The following UTRN variants were observed in gnomAD, a reference collection of about 807,000 sequenced individuals.
UTRN encodes utrophin.
In UTRN, 283 loss-of-function variants were observed where a neutral mutation model predicts 463.9. The ratio of observed to expected loss-of-function variants is 0.61; its 90% CI spans 0.55 to 0.67. The LOEUF is 0.67. UTRN is among the 30% of genes least tolerant of loss of function. The probability of loss-of-function intolerance (pLI) is 0.00; values close to 1 mark genes in which losing one functional copy is unlikely to be tolerated. For missense variants in UTRN, 3,922 were observed against 4,084.3 expected (o/e 0.96, Z 1.08); for synonymous variants, 1,442 against 1,431.5 (o/e 1.01, Z -0.17).
At chr6:144,808,261 T>C (rs957120876) in intron 65 of UTRN, among the ~76,000 whole-genome samples, 4 of 144,362 alleles carry the variant, frequency 2.8e-5, no homozygotes, top group Non-Finnish European at 4.4e-5. Context: ...ATTAAGCTTA[T>C]GAATCAAGAG....
intron 50 of UTRN, among the ~76,000 whole-genome samples, chr6:144,570,798 C>T (rs1011875814): frequency 6.6e-6 from 1 of 152,074 alleles, no homozygotes; most frequent in East Asian, 1.9e-4. Flanking sequence ...GAAGTATGAC[C>T]GTAGGTTGTC....
At chr6:144,741,011 C>T (rs1156804631) in intron 54 of UTRN, among the ~76,000 whole-genome samples, 2 of 152,056 alleles carry the variant, frequency 1.3e-5, no homozygotes, top group African/African-American at 4.8e-5. Flanking sequence ...ACATAAAGGA[C>T]CGGAGGATAC....
intron 66 of UTRN, among the ~76,000 whole-genome samples, chr6:144,824,572 TTATATATATATATA>T (rs71028314): frequency 0.033 from 1,236 of 37,852 alleles, 56 homozygotes; most frequent in African/African-American, 0.048. Context: ...AGCATTTTAT[TTATATATATATATA>T]TATATATATA....
chr6:144,726,417 A>G (rs959385956), intron 53 of UTRN, among the ~76,000 whole-genome samples: 1 of 152,054 alleles, frequency 6.6e-6, no homozygotes, highest in Non-Finnish European at 1.5e-5. Context: ...GCAAGACTCA[A>G]TTTACGCACC....
At chr6:144,497,513 CAA>C (rs527551923) in intron 33 of UTRN, among the ~76,000 whole-genome samples, 23 of 110,648 alleles carry the variant, frequency 2.1e-4, no homozygotes, top group Admixed American at 2.9e-4. Context: ...CGTCTCTACT[CAA>C]AAAAAAAAAA....
At chr6:144,593,385 C>A (rs1056661041) in intron 51 of UTRN, among the ~76,000 whole-genome samples, 1 of 152,106 alleles carries the variant, frequency 6.6e-6, no homozygotes, top group Non-Finnish European at 1.5e-5. Context: ...TTAGAGGCCT[C>A]CAATTGGTTA....
At chr6:144,726,139 C>G (rs1211438446) in intron 53 of UTRN, among the ~76,000 whole-genome samples, 1 of 152,078 alleles carries the variant, frequency 6.6e-6, no homozygotes, top group East Asian at 1.9e-4. Context: ...GACAATGATA[C>G]ATTATAAAAA....
intron 51 of UTRN, among the ~76,000 whole-genome samples, chr6:144,628,858 C>G (rs1343121892): frequency 6.6e-6 from 1 of 152,020 alleles, no homozygotes; most frequent in Non-Finnish European, 1.5e-5. Context: ...TTAAACTGCC[C>G]GGGCAGATAG....
rs757465025 is a variant in UTRN at position 144,451,432 on chromosome 6, C to T, written c.2135C>T (p.Thr712Ile). 30 of 1,613,018 alleles carry T rather than the reference C, an allele frequency of 1.9e-5. No homozygotes were observed. The East Asian group carries it at 6.5e-4, about 35-fold the overall frequency. ...WILKWKTAIQ[T>I]TEIKEYMKMQ... is the part of the protein sequence containing the mutation. ...TTGAAATGGAAAACTGCCATTCAGA[C>T]CACAGAGATAAAAGAGTATATGAAG... Residue 712 changes from threonine to isoleucine, a missense_variant, in exon 18 of 75, where the codon ACC becomes ATC. Thr to Ile is a moderately conservative substitution (Grantham distance 89). Coordinates refer to ENST00000367545, the MANE Select transcript of UTRN (RefSeq NM_007124.3).
intron 3 of UTRN, among the ~76,000 whole-genome samples, chr6:144,414,256 T>A (rs1784179694): frequency 6.6e-6 from 1 of 152,158 alleles, no homozygotes; most frequent in African/African-American, 2.4e-5. Flanking sequence ...GACCTTCCAG[T>A]GGGACAAGAT....
chr6:144,619,822 T>G (rs1158732551), intron 51 of UTRN, among the ~76,000 whole-genome samples: 2 of 152,088 alleles, frequency 1.3e-5, no homozygotes, highest in Non-Finnish European at 2.9e-5. Context: ...GAAAGTGAAA[T>G]TTTGCGGATA....
At chr6:144,522,198 T>A (rs2128596246) in intron 40 of UTRN, 27 bp downstream of exon 40, 1 of 1,438,774 alleles carries the variant, frequency 7.0e-7, no homozygotes, top group Non-Finnish European at 9.2e-7. Flanking sequence ...TGTGTTTGAA[T>A]GGCCACAGTT....
chr6:144,528,132 G>T (rs1248083209), intron 41 of UTRN, among the ~76,000 whole-genome samples: 2 of 146,920 alleles, frequency 1.4e-5, no homozygotes, highest in Non-Finnish European at 3.0e-5. Context: ...CGCCTCCCAG[G>T]TTTGAGTGAT....
chr6:144,678,013 G>C, intron 51 of UTRN, among the ~76,000 whole-genome samples: 1 of 152,062 alleles, frequency 6.6e-6, no homozygotes, highest in African/African-American at 2.4e-5. Context: ...TTGTCAGATG[G>C]ATAGATTGCA....
rs1177550108 is a variant in UTRN, at chr6:144,345,684, TA to T, written c.79+53778del. Among the ~76,000 whole-genome samples the T allele has an allele frequency of 2.6e-5, 4 of 152,090 alleles. No individual in the cohort carries two copies. The South Asian group carries it at 6.2e-4, about 24-fold the overall frequency. ...GGATACCTTGTCTCAAAAACCTGCA[TA>T]GGGGCAGCAATTGCAGGCTTGTGGC... On this transcript the variant is annotated intron_variant, in intron 2 of 74. Coordinates refer to ENST00000367545, the MANE Select transcript of UTRN (RefSeq NM_007124.3).
intron 51 of UTRN, among the ~76,000 whole-genome samples, chr6:144,630,120 G>A (rs942092939): frequency 5.9e-5 from 9 of 152,180 alleles, no homozygotes; most frequent in South Asian, 2.1e-4. Flanking sequence ...CCCAGGAGGC[G>A]GAGCTTGCAG....
chr6:144,437,726 G>C lies in UTRN; in HGVS notation c.1221G>C (p.Glu407Asp). 3 of 1,613,480 alleles carry C rather than the reference G, an allele frequency of 1.9e-6. No individual in the cohort carries two copies. The highest frequency in any genetic ancestry group is 1.1e-5 in the South Asian group (1 of 90,978). ...CTAGATGGGAGGCTCTTAGGGTGGA[G>C]AGTATGGACAGACAGTCCCGGTGAG... is the stretch of plus-strand genomic sequence containing the variant. ...LNARWEALRV[E>D]SMDRQSRLHD... Residue 407 changes from glutamate to aspartate, a missense_variant, in exon 11 of 75, where the codon GAG (glutamate) becomes GAC (aspartate). By Grantham distance (45) the Glu-to-Asp change is conservative. Around this residue, in one of 3 missense-constraint regions of UTRN, gnomAD observed 2,349 missense variants for 2,303.8 expected, o/e 1.02. Transcript: ENST00000367545.
intron 51 of UTRN, among the ~76,000 whole-genome samples, chr6:144,613,647 A>T (rs1424055176): frequency 6.6e-6 from 1 of 152,014 alleles, no homozygotes; most frequent in Non-Finnish European, 1.5e-5. Context: ...ACATGAAAGG[A>T]CTTTCTAGAG....
At chr6:144,712,470 T>C (rs1270869923) in intron 53 of UTRN, among the ~76,000 whole-genome samples, 1 of 152,198 alleles carries the variant, frequency 6.6e-6, no homozygotes, top group Non-Finnish European at 1.5e-5. Context: ...GTAAAACCAA[T>C]GAACCCTTTT....
Sources: allele counts gnomAD v4.1 joint callset (sites outside exome capture counted in the v4.1 genomes callset), GRCh38; gene constraint gnomAD v4.1.1; regional missense constraint gnomAD v4.1.1; transcripts MANE v1.5; gene names NCBI Gene and HGNC (gene_info 2026-07-23, HGNC 2026-07-21).